Variants in RAG1 observed in about 807,000 individuals in gnomAD.
The protein encoded by RAG1 is V(D)J recombination-activating protein 1.
In RAG1, 35 loss-of-function variants were observed where a neutral mutation model predicts 62.7. The ratio of observed to expected loss-of-function variants is 0.56; its 90% CI spans 0.43 to 0.74. The LOEUF is 0.74. RAG1 is among the 30% of genes least tolerant of loss of function. The pLI, the probability that RAG1 is intolerant of heterozygous loss-of-function variation, is 0.00. For synonymous variants in RAG1, 461 were observed against 470.3 expected, an observed-to-expected ratio of 0.98 and a Z score of 0.26; for missense variants, 1,169 against 1,278.6, an observed-to-expected ratio of 0.91 and a Z score of 1.31.
intron 2 of RAG1, among the ~76,000 whole-genome samples, chr11:36,528,281 A>G (rs1040889871): frequency 6.6e-6 from 1 of 152,200 alleles, no homozygotes; most frequent in Non-Finnish European, 1.5e-5. Flanking sequence ...AAAAGAAATC[A>G]TAACAAACTA....
downstream of RAG1, among the ~76,000 whole-genome samples, chr11:36,539,163 G>T (rs1309415352): frequency 6.6e-6 from 1 of 152,186 alleles, no homozygotes; most frequent in African/African-American, 2.4e-5. Flanking sequence ...TAAGGGTGGG[G>T]TCTTAACCCA....
intron 2 of RAG1, among the ~76,000 whole-genome samples, chr11:36,530,455 T>C (rs1001784300): frequency 6.6e-6 from 1 of 151,906 alleles, no homozygotes; most frequent in African/African-American, 2.4e-5. Flanking sequence ...TTCTAATATA[T>C]GCATTTAGAG....
At chr11:36,569,700 T>G (rs917585951) in intron 1 of RAG1, among the ~76,000 whole-genome samples, 3 of 152,192 alleles carry the variant, frequency 2.0e-5, no homozygotes, top group Non-Finnish European at 4.4e-5. Context: ...GTTACTTGCT[T>G]GTTTTGAATA....
intron 1 of RAG1, among the ~76,000 whole-genome samples, chr11:36,572,687 CTTA>C (rs1850767184): frequency 6.6e-6 from 1 of 152,172 alleles, no homozygotes; most frequent in Admixed American, 6.5e-5. Context: ...ATCCACGATA[CTTA>C]TTATTAGTTT....
chr11:36,547,043 G>A (rs560907201), intron 3 of RAG1, among the ~76,000 whole-genome samples: 2 of 151,786 alleles, frequency 1.3e-5, no homozygotes, highest in African/African-American at 4.8e-5. Flanking sequence ...TCTTGGGGTC[G>A]CTCTTCTCAA....
At chr11:36,512,580 A>G (rs926594607) in intron 1 of RAG1, among the ~76,000 whole-genome samples, 8 of 152,230 alleles carry the variant, frequency 5.3e-5, no homozygotes, top group African/African-American at 1.9e-4. Flanking sequence ...TAGAGTTGTA[A>G]TGAAATCTAT....
At position 36,574,538 on chromosome 11, in the gene RAG1, A is replaced by G. The variant is rs1261152678; in HGVS notation, c.1234A>G (p.Arg412Gly). Reference protein sequence around the residue: ...LTRRAQKHRLRELKLQVKAFA... With the variant: ...LTRRAQKHRLGELKLQVKAFA... ...TCGGAGAGCTCAGAAGCACCGGCTG[A>G]GGGAGCTCAAGCTGCAAGTCAAAGC... Residue 412 changes from arginine to glycine, a missense_variant, in exon 2 of 2, where the codon AGG becomes GGG. Transcript: ENST00000299440. 3 of 1,614,124 alleles carry G rather than the reference A, an allele frequency of 1.9e-6. No individual in the cohort carries two copies. Among genetic ancestry groups the G allele is most frequent in the East Asian group, 4.5e-5 (2 of 44,898 alleles).
At chr11:36,559,040 T>C (rs768005782) in intron 3 of RAG1, among the ~76,000 whole-genome samples, 1 of 152,224 alleles carries the variant, frequency 6.6e-6, no homozygotes. Flanking sequence ...CTAGTGGTGA[T>C]AAATTTCCTT....
chr11:36,528,806 AG>A (rs921478143), intron 2 of RAG1, among the ~76,000 whole-genome samples: 32 of 152,132 alleles, frequency 2.1e-4, no homozygotes, highest in Non-Finnish European at 3.7e-4. Flanking sequence ...AAAATGATAA[AG>A]GGGATATCAC....
chr11:36,525,325 A>G (rs781576509), intron 2 of RAG1, among the ~76,000 whole-genome samples: 6 of 152,322 alleles, frequency 3.9e-5, no homozygotes, highest in Admixed American at 6.5e-5. Flanking sequence ...CTTGAAGTCA[A>G]GTAGATAAAT....
intron 3 of RAG1, among the ~76,000 whole-genome samples, chr11:36,557,994 G>T (rs1472817213): frequency 6.6e-6 from 1 of 152,072 alleles, no homozygotes; most frequent in Non-Finnish European, 1.5e-5. Context: ...AACACTTAAT[G>T]TTTATTAAAT....
intron 1 of RAG1, among the ~76,000 whole-genome samples, chr11:36,514,789 G>A (rs929496405): frequency 3.9e-5 from 6 of 152,218 alleles, no homozygotes; most frequent in Non-Finnish European, 5.9e-5. Context: ...GTGAGGATGG[G>A]GAGTGGCTGT....
intron 2 of RAG1, among the ~76,000 whole-genome samples, chr11:36,527,055 T>C (rs1287826698): frequency 6.6e-6 from 1 of 152,208 alleles, no homozygotes; most frequent in Non-Finnish European, 1.5e-5. Flanking sequence ...CCAATGATAG[T>C]TTCTTTTGGT....
intron 1 of RAG1, among the ~76,000 whole-genome samples, chr11:36,517,524 A>AGT (rs372561603): frequency 2.4e-4 from 36 of 152,002 alleles, no homozygotes; most frequent in South Asian, 1.0e-3. Context: ...GGTTTGTGTA[A>AGT]GTGTGTGTGT....
chr11:36,535,929 A>T (rs1375281512), intron 2 of RAG1: 1 of 152,170 alleles, frequency 6.6e-6, no homozygotes, highest in Non-Finnish European at 1.5e-5. Flanking sequence ...ATTGTGGATT[A>T]TGTATAATTT....
Position 36,575,971 on chromosome 11 carries a change from C to T in RAG1, c.2667C>T (p.Tyr889=). The part of the protein sequence containing the change: ...HEALRELMDL[Y]LKMKPVWRSS... ...CTCTGAGGGAGCTGATGGATCTTTA[C>T]CTGAAGATGAAACCAGTATGGCGAT... is the stretch of plus-strand genomic sequence containing the variant. The change falls in exon 2 of 2, where the codon TAC becomes TAT. Residue 889 remains tyrosine (Y), a synonymous_variant. Coordinates refer to ENST00000299440, the MANE Select transcript of RAG1 (RefSeq NM_000448.3). This position sits in a 1 kb window ranked among gnomAD's most constrained non-coding sequence, Gnocchi z 4.1. 6.2e-7 allele frequency: 1 copy of T among 1,614,188 alleles called. No homozygotes were observed. Among genetic ancestry groups the T allele is most frequent in the Non-Finnish European group, 8.5e-7 (1 of 1,180,024 alleles).
Position 36,573,337 on chromosome 11 carries a change from C to G in RAG1, c.33C>G (p.Leu11=), listed in dbSNP as rs1422417189. MAASFPPTLG[L]SSAPDEIQHP... is the part of the protein sequence containing the mutation. ...CCTCTTTCCCACCCACCTTGGGACT[C>G]AGTTCTGCCCCAGATGAAATTCAGC... is the stretch of plus-strand genomic sequence containing the variant. Residue 11 remains leucine (L), a synonymous_variant, in exon 2 of 2, where the codon CTC becomes CTG. Transcript: ENST00000299440. 6.2e-7 allele frequency: 1 copy of G among 1,614,194 alleles called. No individual in the cohort carries two copies. The highest frequency in any genetic ancestry group is 1.7e-5 in the Admixed American group (1 of 60,024).
chr11:36,575,813 G>T lies in RAG1; in HGVS notation c.2509G>T (p.Asp837Tyr). The change falls in exon 2 of 2, where the codon GAC becomes TAC. Residue 837 changes from aspartate (D) to tyrosine (Y), a missense_variant. Asp to Tyr is a radical substitution (Grantham distance 160). Transcript: ENST00000299440. This position sits in a 1 kb window ranked among gnomAD's most constrained non-coding sequence, Gnocchi z 4.1. ...EERKRWQATL[D>Y]KHLRKKMNLK... is the part of the protein sequence containing the mutation. ...AAGGAAAAGGTGGCAGGCCACACTG[G>T]ACAAGCATCTCCGGAAGAAGATGAA... The T allele has an allele frequency of 6.2e-7, 1 of 1,614,200 alleles. No individual in the cohort carries two copies.
chr11:36,560,730 A>G (rs1590691551), intron 3 of RAG1, among the ~76,000 whole-genome samples: 2 of 152,068 alleles, frequency 1.3e-5, no homozygotes, highest in Non-Finnish European at 2.9e-5. Flanking sequence ...GATTTCAGGC[A>G]TCTGCAGTGG....
Sources: allele counts gnomAD v4.1 joint callset (sites outside exome capture counted in the v4.1 genomes callset), GRCh38; gene constraint gnomAD v4.1.1; non-coding constraint Gnocchi (gnomAD v3.1); transcripts MANE v1.5; gene names NCBI Gene and HGNC (gene_info 2026-07-23, HGNC 2026-07-21).